The following SGCD variants were observed in gnomAD, a reference collection of about 807,000 sequenced individuals.
SGCD encodes the protein delta-sarcoglycan.
A neutral mutation model predicts 36.6 loss-of-function variants in SGCD; 18 were observed. The observed-to-expected ratio is 0.49, with a 90% CI of 0.34 to 0.73. The LOEUF (loss-of-function observed/expected upper bound fraction) is 0.73, where lower values mean the gene tolerates loss of function less well. Ranked by LOEUF, SGCD falls within the 30% of genes least tolerant of loss-of-function variation. The pLI, the probability that SGCD is intolerant of heterozygous loss-of-function variation, is 0.01. For missense variants in SGCD, 387 were observed against 346.7 expected, an observed-to-expected ratio of 1.12 and a Z score of -0.92; for synonymous variants, 133 against 130.6, an observed-to-expected ratio of 1.02 and a Z score of -0.12.
intron 3 of SGCD, among the ~76,000 whole-genome samples, chr5:156,203,812 G>T (rs895726168): frequency 7.2e-5 from 11 of 152,108 alleles, no homozygotes; most frequent in African/African-American, 2.4e-4. Context: ...TCAGGATCTA[G>T]GCAGTGCTCC....
rs182798896 is a variant in SGCD at position 156,053,769 on chromosome 5, G to C, written c.-281-64109G>C. Among the ~76,000 whole-genome samples, 296 of 146,432 alleles carry C rather than the reference G, an allele frequency of 2.0e-3. 11 individuals carry two copies. The highest frequency in any genetic ancestry group is 7.1e-3 in the African/African-American group (289 of 40,790). ...GCTATAACAAAATACTTTAAGCTGG[G>C]TAGTTATAAACAACAGAAATTTATT... On this transcript the variant is annotated intron_variant, in intron 1 of 9. Coordinates refer to the SGCD transcript ENST00000517913.
chr5:156,576,428 C>G (rs80101550), intron 4 of SGCD, among the ~76,000 whole-genome samples: 1 of 152,054 alleles, frequency 6.6e-6, no homozygotes, highest in Non-Finnish European at 1.5e-5. Flanking sequence ...ATAATCCTTT[C>G]GGTATATACC....
intron 1 of SGCD, among the ~76,000 whole-genome samples, chr5:156,106,678 A>G (rs1167928816): frequency 6.6e-6 from 1 of 152,206 alleles, no homozygotes; most frequent in Non-Finnish European, 1.5e-5. Context: ...GCACACTAAT[A>G]AAAGTAGGAT....
At chr5:155,940,414 T>C (rs1415870962) in intron 1 of SGCD, among the ~76,000 whole-genome samples, 1 of 152,236 alleles carries the variant, frequency 6.6e-6, no homozygotes, top group Non-Finnish European at 1.5e-5. Flanking sequence ...TCTAGATGTG[T>C]GAGCCTGGGC....
intron 4 of SGCD, 82 bp downstream of exon 4, chr5:156,508,784 T>C: frequency 3.8e-6 from 3 of 795,336 alleles, no homozygotes; most frequent in Non-Finnish European, 6.1e-6. Context: ...ATCAGCTGAG[T>C]ACAGAGAATT....
chr5:156,130,309 C>A (rs973465410), intron 3 of SGCD, among the ~76,000 whole-genome samples: 4 of 152,096 alleles, frequency 2.6e-5, no homozygotes, highest in African/African-American at 7.2e-5. Flanking sequence ...GTATTTATGT[C>A]CTTTGCCTAC....
chr5:156,606,045 C>T (rs189904433), intron 6 of SGCD, among the ~76,000 whole-genome samples: 48,286 of 151,912 alleles, frequency 0.32, 8,567 homozygotes, highest in African/African-American at 0.49. Context: ...AGCTCTTTAG[C>T]TTAATTAGAT....
chr5:156,528,686 G>A (rs888582199), intron 4 of SGCD, among the ~76,000 whole-genome samples: 8 of 152,176 alleles, frequency 5.3e-5, no homozygotes, highest in Non-Finnish European at 1.5e-5. Flanking sequence ...AGCTAAGAGA[G>A]GGCTAAAGGT....
At chr5:156,599,955 G>A (rs1301395411) in intron 6 of SGCD, among the ~76,000 whole-genome samples, 1 of 152,214 alleles carries the variant, frequency 6.6e-6, no homozygotes, top group East Asian at 1.9e-4. Context: ...GAACTACACA[G>A]TGTGTGTAGA....
chr5:156,475,919 C>T (rs552088284), intron 3 of SGCD, among the ~76,000 whole-genome samples: 47 of 152,180 alleles, frequency 3.1e-4, no homozygotes, highest in Non-Finnish European at 5.7e-4. Context: ...CAGCACATTC[C>T]TTGCAGCAGG....
intron 3 of SGCD, among the ~76,000 whole-genome samples, chr5:156,138,245 G>T (rs1762503744): frequency 6.6e-6 from 1 of 151,980 alleles, no homozygotes; most frequent in Non-Finnish European, 1.5e-5. Flanking sequence ...ACTAAAAATA[G>T]AAAAAATTAG....
In SGCD at chr5:156,589,450, G is replaced by C. The variant is rs190961628; in HGVS notation, c.382+132G>C. On this transcript the variant is annotated intron_variant, in intron 5 of 8. Transcript: ENST00000337851. ...ACACATTGTTGAGAAAGAGAATGTA[G>C]CATGTGTTCCATGATTCTACTAGAG... is the stretch of plus-strand genomic sequence containing the variant. 3.5e-4 allele frequency: 205 copies of C among 592,356 alleles called. No individual in the cohort carries two copies. The African/African-American group carries it at 3.5e-3, about 10-fold the overall frequency. 36.7% of individuals were successfully genotyped at this position (592,356 alleles called of 1,614,324 possible). A position where few individuals can be genotyped will look rare whatever the true frequency, so the allele number is the denominator to read the frequency against.
chr5:156,481,010 C>T (rs1419382746), intron 3 of SGCD, among the ~76,000 whole-genome samples: 1 of 152,154 alleles, frequency 6.6e-6, no homozygotes, highest in Non-Finnish European at 1.5e-5. Flanking sequence ...TTTACATTAT[C>T]ACAGTTTTGA....
intron 4 of SGCD, among the ~76,000 whole-genome samples, chr5:156,568,573 A>C (rs188421159): frequency 2.6e-4 from 39 of 152,284 alleles, no homozygotes; most frequent in Non-Finnish European, 4.9e-4. Flanking sequence ...CTAGCAAGTC[A>C]CTCAGAGTGG....
chr5:156,560,223 T>C (rs1352239523), intron 4 of SGCD, among the ~76,000 whole-genome samples: 1 of 152,196 alleles, frequency 6.6e-6, no homozygotes, highest in Non-Finnish European at 1.5e-5. Context: ...CATCTCTTAA[T>C]AGAAGCAAAC....
At chr5:156,159,875 C>T (rs1407446346) in intron 3 of SGCD, among the ~76,000 whole-genome samples, 1 of 151,476 alleles carries the variant, frequency 6.6e-6, no homozygotes, top group Non-Finnish European at 1.5e-5. Flanking sequence ...CCTTCTTTAA[C>T]AAATCTTGTA....
chr5:156,404,355 C>T (rs905407637), intron 3 of SGCD, among the ~76,000 whole-genome samples: 1 of 152,174 alleles, frequency 6.6e-6, no homozygotes, highest in Non-Finnish European at 1.5e-5. Context: ...GAGAGAAATG[C>T]AGATTCTACT....
the SGCD span, among the ~76,000 whole-genome samples, chr5:155,792,614 CAAAAG>C: frequency 6.6e-6 from 1 of 151,912 alleles, no homozygotes; most frequent in African/African-American, 2.4e-5. Context: ...AGACACTTCT[CAAAAG>C]AAGACATGCA....
intron 3 of SGCD, among the ~76,000 whole-genome samples, chr5:156,371,371 T>C (rs1456243515): frequency 6.6e-6 from 1 of 152,180 alleles, no homozygotes; most frequent in Non-Finnish European, 1.5e-5. Flanking sequence ...GGTTTTAGGA[T>C]TGATGAAGGA....
Sources: allele counts gnomAD v4.1 joint callset (sites outside exome capture counted in the v4.1 genomes callset), GRCh38; gene constraint gnomAD v4.1.1; transcripts MANE v1.5; gene names NCBI Gene and HGNC (gene_info 2026-07-23, HGNC 2026-07-21).